LRCH4: variants seen among roughly 807,000 people sequenced by gnomAD.
The protein encoded by LRCH4 is leucine-rich repeat and calponin homology domain-containing protein 4.
LRCH4 carries 56 observed loss-of-function variants against 81.2 expected under a neutral mutation model. The observed-to-expected ratio is 0.69, with a 90% CI of 0.56 to 0.86. The LOEUF is 0.86. LRCH4 is among the 40% of genes least tolerant of loss of function. LRCH4 has a pLI of 0.00. For synonymous variants in LRCH4, 442 were observed against 409.7 expected, an observed-to-expected ratio of 1.08 and a Z score of -0.95; for missense variants, 895 against 922.8, an observed-to-expected ratio of 0.97 and a Z score of 0.39.
rs1463199674 is a variant in LRCH4, at chr7:100,583,028, C to G, written c.221-569G>C. The stretch of plus-strand genomic sequence containing the variant: ...CGACACCGGACGAGTTTTTCGCCAG[C>G]CCCAAGGACCAGCAAGCCAGGTCCA... On this transcript the variant is annotated intron_variant, in intron 1 of 17. Coordinates refer to ENST00000310300, the MANE Select transcript of LRCH4 (RefSeq NM_002319.5). This position sits in a 1 kb window ranked among gnomAD's most constrained non-coding sequence, Gnocchi z 4.3. 1.3e-5 allele frequency among the ~76,000 whole-genome samples: 2 copies of G among 152,148 alleles called. No homozygotes were observed. The highest frequency in any genetic ancestry group is 4.8e-5 in the African/African-American group (2 of 41,434).
At chr7:100,576,413 G>A (rs1801361550) in intron 14 of LRCH4, 90 bp from the exon 15 acceptor site, 1 of 873,292 alleles carries the variant, frequency 1.1e-6, no homozygotes, top group Non-Finnish European at 1.9e-6. Flanking sequence ...TACACCTCCT[G>A]CCTCTCTGCT....
chr7:100,577,645 G>A lies in LRCH4; in HGVS notation c.1116+19C>T, dbSNP rs1265772462. 1 of 1,613,208 alleles carries A rather than the reference G, an allele frequency of 6.2e-7. No homozygotes were observed. The highest frequency in any genetic ancestry group is 1.1e-5 in the South Asian group (1 of 91,086). ...CCTCCAGCTCCCCTCCCTTGGGAGAGGCATAGCTGGGCTCTCACCTCCACA... is the reference window on the plus strand; with the variant it reads ...CCTCCAGCTCCCCTCCCTTGGGAGAAGCATAGCTGGGCTCTCACCTCCACA... On this transcript the variant is annotated intron_variant, in intron 9 of 17. Transcript: ENST00000310300. This position sits in a 1 kb window ranked among gnomAD's most constrained non-coding sequence, Gnocchi z 6.7.
Position 100,576,948 on chromosome 7 carries a change from G to C in LRCH4, c.1422C>G (p.Pro474=), listed in dbSNP as rs762248289. Residue 474 remains proline, a synonymous_variant, in exon 13 of 18, where the codon CCC becomes CCG. Transcript: ENST00000310300. Reference sequence around the variant, plus strand: ...GCTCTTGGGAGGCAGGGGCAGGGGCGGGGGCTCCCTGCCCCGCTGCAGCCC... The same window carrying C: ...GCTCTTGGGAGGCAGGGGCAGGGGCCGGGGCTCCCTGCCCCGCTGCAGCCC... ...QAGAAAGQGA[P]APAPASQEPL... 1.3e-6 allele frequency: 2 copies of C among 1,578,332 alleles called. No homozygotes were observed. The highest frequency in any genetic ancestry group is 2.7e-5 in the African/African-American group (2 of 74,112).
rs1448957294 is a variant in LRCH4, at chr7:100,575,111, G to C, written c.2048C>G (p.Ser683Cys). 12 of 1,606,856 alleles carry C rather than the reference G, an allele frequency of 7.5e-6. No individual in the cohort carries two copies. In the South Asian group the frequency reaches 1.3e-4, roughly 18 times the overall value. The change falls in exon 18 of 18, where the codon TCC (serine) becomes TGC (cysteine). Residue 683 changes from serine to cysteine, a missense_variant. Ser to Cys is a moderately radical substitution (Grantham distance 112). Transcript: ENST00000310300. The surrounding 1 kb of genome is among the most constrained non-coding windows in gnomAD (Gnocchi z 5.3). ...AGGGAGGGCCGATTTTGGGGCCTAG[G>C]AACCCAGGAGCCGAGTGTAGGTGAC... ...LYVTYTRLLG[S>C]
chr7:100,585,161 A>G (rs988669513), intron 1 of LRCH4: 4 of 199,690 alleles, frequency 2.0e-5, no homozygotes, highest in African/African-American at 9.4e-5. Flanking sequence ...CCCCCGGGGG[A>G]AAGCAGAAAC....
Position 100,582,117 on chromosome 7 carries a change from C to T in LRCH4, c.416G>A (p.Arg139Lys). ...CTTGTTGTTGCTGACGATGAGGACC[C>T]TCAGGGGCAGCTGGCAGATGTAGGG... The part of the protein sequence containing the change: ...LPPYICQLPL[R>K]VLIVSNNKLG... The change falls in exon 3 of 18, where the codon AGG becomes AAG. Residue 139 changes from arginine to lysine, a missense_variant. Transcript: ENST00000310300. This position sits in a 1 kb window ranked among gnomAD's most constrained non-coding sequence, Gnocchi z 5.0. 6.2e-7 allele frequency: 1 copy of T among 1,612,826 alleles called. No individual in the cohort carries two copies. The highest frequency in any genetic ancestry group is 8.5e-7 in the Non-Finnish European group (1 of 1,179,872).
intron 4 of LRCH4, chr7:100,579,207 G>A (rs981226877): frequency 5.0e-6 from 1 of 198,974 alleles, no homozygotes; most frequent in Non-Finnish European, 1.0e-5. Flanking sequence ...GATTGTGGCC[G>A]CCCGGGAGTC....
chr7:100,580,403 A>ATCAC (rs1554349813), intron 4 of LRCH4: 4 of 89,108 alleles, frequency 4.5e-5, no homozygotes, highest in Non-Finnish European at 9.9e-5. Context: ...TCATACACAC[A>ATCAC]TCACACACAC....
Position 100,578,008 on chromosome 7 carries a change from C to T in LRCH4, c.949-96G>A, listed in dbSNP as rs77535778. 5,541 of 1,317,770 alleles carry T rather than the reference C, an allele frequency of 4.2e-3. 17 individuals are homozygous for T. Among genetic ancestry groups the T allele is most frequent in the Non-Finnish European group, 5.4e-3 (4,992 of 928,348 alleles). The allele number at this position is 1,317,770 out of a possible 1,614,324, so 81.6% of individuals were successfully genotyped here. ...TGTGGGACTAAGCTCAGGGTCTCTG[C>T]TGAGCCAGCCCTTCCCTGGGATGCT... is the stretch of plus-strand genomic sequence containing the variant. On this transcript the variant is annotated intron_variant, in intron 7 of 17. Coordinates refer to ENST00000310300, the MANE Select transcript of LRCH4 (RefSeq NM_002319.5). This position sits in a 1 kb window ranked among gnomAD's most constrained non-coding sequence, Gnocchi z 5.7.
At chr7:100,584,734 T>TCCCCA (rs1801670660) in intron 1 of LRCH4, 2 of 456,516 alleles carry the variant, frequency 4.4e-6, no homozygotes, top group South Asian at 3.1e-5. Flanking sequence ...CGACTGGTTC[T>TCCCCA]CCCCAGAAGA....
rs764501444 is a variant in LRCH4, at chr7:100,575,963, C to T, written c.1684G>A (p.Glu562Lys). 22 of 1,608,958 alleles carry T rather than the reference C, an allele frequency of 1.4e-5. No homozygotes were observed. The highest frequency in any genetic ancestry group is 1.4e-5 in the Non-Finnish European group (16 of 1,178,860). ...AGGATGACCCCACTGGCCAGAGCCT[C>T]GGCCAGGTCCTCAGGCAGGGGCCGC... ...LQRPLPEDLA[E>K]ALASGVILCQ... is the part of the protein sequence containing the mutation. Residue 562 changes from glutamate (E) to lysine (K), a missense_variant, in exon 16 of 18, where the codon GAG (glutamate) becomes AAG (lysine). By Grantham distance (56) the Glu-to-Lys change is moderately conservative (BLOSUM62 1). Coordinates refer to ENST00000310300, the MANE Select transcript of LRCH4 (RefSeq NM_002319.5). The surrounding 1 kb of genome is among the most constrained non-coding windows in gnomAD (Gnocchi z 5.3).
At position 100,578,316 on chromosome 7, in the gene LRCH4, C is replaced by T. The variant is rs1351022039; in HGVS notation, c.849-58G>A. The T allele has an allele frequency of 1.9e-6, 3 of 1,604,020 alleles. No individual in the cohort carries two copies. In the African/African-American group the frequency reaches 4.0e-5, roughly 21 times the overall value. ...ATGCTGGACAACAGCCCCCCATCCTCCTGCCAGAAAGCAGGGGGTGCCTGG... is the reference window on the plus strand; with the variant it reads ...ATGCTGGACAACAGCCCCCCATCCTTCTGCCAGAAAGCAGGGGGTGCCTGG... On this transcript the variant is annotated intron_variant, in intron 6 of 17. Transcript: ENST00000310300. This position sits in a 1 kb window ranked among gnomAD's most constrained non-coding sequence, Gnocchi z 5.7.
chr7:100,578,778 C>A lies in LRCH4; in HGVS notation c.607G>T (p.Asp203Tyr), dbSNP rs535627175. ...AAATCCAGGCGGACCAGAGGGAGGT[C>A]CCCCAGCTCTGGAACAGGTGGGCAA... is the stretch of plus-strand genomic sequence containing the variant. ...QLSTLPEELG[D>Y]LPLVRLDFSC... is the part of the protein sequence containing the mutation. The change falls in exon 5 of 18, where the codon GAC (aspartate) becomes TAC (tyrosine). Residue 203 changes from aspartate (D) to tyrosine (Y), a missense_variant. Physicochemically the swap from Asp to Tyr is radical, Grantham distance 160 (BLOSUM62 -3). This residue lies in a region of LRCH4 where 360 missense variants were observed against 397.0 expected (regional missense o/e 0.91). Coordinates refer to ENST00000310300, the MANE Select transcript of LRCH4 (RefSeq NM_002319.5). The surrounding 1 kb of genome is among the most constrained non-coding windows in gnomAD (Gnocchi z 5.7). The A allele has an allele frequency of 5.6e-6, 9 of 1,613,184 alleles. No homozygotes were observed. Among genetic ancestry groups the A allele is most frequent in the Non-Finnish European group, 5.9e-6 (7 of 1,179,900 alleles).
At chr7:100,585,290 A>C (rs1482607848) in intron 1 of LRCH4, 2 of 162,360 alleles carry the variant, frequency 1.2e-5, no homozygotes, top group African/African-American at 4.8e-5. Flanking sequence ...GGAAGAGCTC[A>C]GGGAGAAAAG....
Position 100,582,975 on chromosome 7 carries a change from T to A in LRCH4, c.221-516A>T, listed in dbSNP as rs539402968. ...CAACACGGGAAAAACCACAGGTCAC[T>A]CTATCTTGGTTCTAGAGATAAAGTC... is the stretch of plus-strand genomic sequence containing the variant. On this transcript the variant is annotated intron_variant, in intron 1 of 17. Transcript: ENST00000310300. The surrounding 1 kb of genome is among the most constrained non-coding windows in gnomAD (Gnocchi z 5.0). Among the ~76,000 whole-genome samples the A allele has an allele frequency of 6.6e-6, 1 of 152,276 alleles. No individual in the cohort carries two copies. Among genetic ancestry groups the A allele is most frequent in the East Asian group, 1.9e-4 (1 of 5,178 alleles).
At position 100,583,357 on chromosome 7, in the gene LRCH4, A is replaced by G. The variant is rs1253474212; in HGVS notation, c.221-898T>C. On this transcript the variant is annotated intron_variant, in intron 1 of 17. Transcript: ENST00000310300. This position sits in a 1 kb window ranked among gnomAD's most constrained non-coding sequence, Gnocchi z 4.3. ...ACTGCCTTGCTATGCGGAGGCTGGC[A>G]GCCTTGGGATTCCCTGTAGCACGGA... Among the ~76,000 whole-genome samples the G allele has an allele frequency of 1.3e-5, 2 of 152,176 alleles. No individual in the cohort carries two copies. Among genetic ancestry groups the G allele is most frequent in the Non-Finnish European group, 2.9e-5 (2 of 68,016 alleles).
At position 100,578,629 on chromosome 7, in the gene LRCH4, C is replaced by A. The variant is rs763563687; in HGVS notation, c.735+21G>T. On this transcript the variant is annotated intron_variant, in intron 5 of 17. Transcript: ENST00000310300. This position sits in a 1 kb window ranked among gnomAD's most constrained non-coding sequence, Gnocchi z 5.7. ...CCTAGCCACACCCCTGTCCTCGTGG[C>A]CCCCCAGGCACCCGCCTCACCTGGG... 1.2e-6 allele frequency: 2 copies of A among 1,609,646 alleles called. No homozygotes were observed. Among genetic ancestry groups the A allele is most frequent in the Admixed American group, 1.7e-5 (1 of 59,722 alleles).
chr7:100,574,225 G>A lies in LRCH4; in HGVS notation c.*882C>T. 1 of 180,052 alleles carries A rather than the reference G, an allele frequency of 5.6e-6. No homozygotes were observed. The highest frequency in any genetic ancestry group is 2.4e-5 in the African/African-American group (1 of 41,790). The allele number at this position is 180,052 out of a possible 1,614,324, so 11.2% of individuals were successfully genotyped here. ...TTCTGCTCCCGGGGTCCCGGGCGGGGTGGGCCCTGTGCCCCCACCTTCACC... is the reference window on the plus strand; with the variant it reads ...TTCTGCTCCCGGGGTCCCGGGCGGGATGGGCCCTGTGCCCCCACCTTCACC... On this transcript the variant is annotated 3_prime_UTR_variant, in exon 18 of 18. Transcript: ENST00000310300.
chr7:100,581,988 G>A, intron 3 of LRCH4, 53 bp downstream of exon 3: 6 of 1,600,274 alleles, frequency 3.7e-6, no homozygotes, highest in East Asian at 2.2e-5. Flanking sequence ...CCCCCTAGAA[G>A]GTCCCGCTGC....
Sources: allele counts gnomAD v4.1 joint callset (sites outside exome capture counted in the v4.1 genomes callset), GRCh38; gene constraint gnomAD v4.1.1; regional missense constraint gnomAD v4.1.1; non-coding constraint Gnocchi (gnomAD v3.1); transcripts MANE v1.5; gene names NCBI Gene and HGNC (gene_info 2026-07-23, HGNC 2026-07-21).